The following GUCY2F variants were observed in gnomAD, a reference collection of about 807,000 sequenced individuals.
The protein encoded by GUCY2F is retinal guanylyl cyclase 2.
A neutral mutation model predicts 73.1 loss-of-function variants in GUCY2F; 61 were observed. That is an observed-to-expected ratio of 0.83 (90% CI 0.68 to 1.03). The LOEUF is 1.03. Among genes scored for constraint, GUCY2F ranks in the 50% least tolerant of loss-of-function variants. The pLI is 0.00. For missense variants in GUCY2F, 912 were observed against 854.3 expected, an observed-to-expected ratio of 1.07 and a Z score of -0.84; for synonymous variants, 331 against 307.8, an observed-to-expected ratio of 1.08 and a Z score of -0.79.
chrX:109,382,960 T>C (rs1320209059), intron 16 of GUCY2F, among the ~76,000 whole-genome samples: 1 of 111,860 alleles, frequency 8.9e-6, no homozygotes, highest in African/African-American at 3.3e-5. Flanking sequence ...CCCTATGAAG[T>C]GAGACCTTGT....
At chrX:109,393,594 C>T (rs1335711824) in intron 12 of GUCY2F, among the ~76,000 whole-genome samples, 2 of 111,578 alleles carry the variant, frequency 1.8e-5, no homozygotes, top group African/African-American at 6.5e-5. Flanking sequence ...TATTTCTTAC[C>T]GTGGAGTCCA....
At chrX:109,429,136 G>T (rs967749464) in intron 8 of GUCY2F, among the ~76,000 whole-genome samples, 1 of 112,162 alleles carries the variant, frequency 8.9e-6, no homozygotes, top group Non-Finnish European at 1.9e-5. Context: ...AATTGGCTGG[G>T]CGCGGTGGCT....
At chrX:109,466,159 G>T (rs1932465012) in intron 2 of GUCY2F, among the ~76,000 whole-genome samples, 1 of 111,472 alleles carries the variant, frequency 9.0e-6, no homozygotes, top group Non-Finnish European at 1.9e-5. Flanking sequence ...AGGTGCTTCA[G>T]ACTTCAGACT....
At chrX:109,446,064 T>A (rs60500576) in intron 6 of GUCY2F, among the ~76,000 whole-genome samples, 1 of 111,184 alleles carries the variant, frequency 9.0e-6, no homozygotes, top group Non-Finnish European at 1.9e-5. Context: ...ATCCAACTTA[T>A]AAGGGATGTG....
chrX:109,472,461 C>A (rs997001869), intron 2 of GUCY2F, among the ~76,000 whole-genome samples: 3 of 111,777 alleles, frequency 2.7e-5, no homozygotes, highest in Non-Finnish European at 5.6e-5. Context: ...GCTCTGCCTT[C>A]CTCAGACCTT....
chrX:109,393,550 G>C (rs1930625421), intron 12 of GUCY2F, among the ~76,000 whole-genome samples: 1 of 111,184 alleles, frequency 9.0e-6, no homozygotes, highest in African/African-American at 3.3e-5. Flanking sequence ...ACCTCTTACA[G>C]AGGGCTCAAG....
intron 8 of GUCY2F, among the ~76,000 whole-genome samples, chrX:109,429,426 A>G (rs748544573): frequency 1.8e-5 from 2 of 110,284 alleles, no homozygotes; most frequent in African/African-American, 6.6e-5. Context: ...AAAAAAAAAA[A>G]AAAGAAAAGA....
At position 109,385,535 on chromosome X, in the gene GUCY2F, G is replaced by A. The variant is rs1342930722; in HGVS notation, c.2957-253C>T. On this transcript the variant is annotated intron_variant, in intron 15 of 19. Coordinates refer to ENST00000218006, the MANE Select transcript of GUCY2F (RefSeq NM_001522.3). ...TCCACGTAACAGTTACACCTGAGAT[G>A]CTTATATTTGTCAACAGGGACAAAC... 5.4e-5 allele frequency among the ~76,000 whole-genome samples: 6 copies of A among 111,847 alleles called. No individual in the cohort carries two copies. In the East Asian group the frequency reaches 1.4e-3, roughly 26 times the overall value.
chrX:109,430,319 A>G lies in GUCY2F; in HGVS notation c.1779T>C (p.Asp593=), dbSNP rs781235330. ...DLKSIKSRAS[D]VFEMMKDLRH... ...AGATTTCTCATACCATTTCGAACACATCACTTGCTCTTGATTTGATGGACT... is the reference window on the plus strand; with the variant it reads ...AGATTTCTCATACCATTTCGAACACGTCACTTGCTCTTGATTTGATGGACT... Residue 593 remains aspartate (D), a synonymous_variant, in exon 8 of 20, where the codon GAT becomes GAC. Coordinates refer to ENST00000218006, the MANE Select transcript of GUCY2F (RefSeq NM_001522.3). 2 of 1,062,871 alleles carry G rather than the reference A, an allele frequency of 1.9e-6. No individual in the cohort carries two copies. Among genetic ancestry groups the G allele is most frequent in the Non-Finnish European group, 1.3e-6 (1 of 760,074 alleles). 87.6% of individuals were successfully genotyped at this position (1,062,871 alleles called of 1,213,427 possible). A position where few individuals can be genotyped will look rare whatever the true frequency, so the allele number is the denominator to read the frequency against.
chrX:109,418,020 C>T (rs1346250679), intron 8 of GUCY2F, among the ~76,000 whole-genome samples: 1 of 111,301 alleles, frequency 9.0e-6, no homozygotes, highest in Non-Finnish European at 1.9e-5. Context: ...TTCTTACCAT[C>T]TCTGTGTTCA....
At chrX:109,380,607 G>T (rs976592277) in intron 17 of GUCY2F, among the ~76,000 whole-genome samples, 1 of 111,502 alleles carries the variant, frequency 9.0e-6, no homozygotes, top group Non-Finnish European at 1.9e-5. Flanking sequence ...TGGCATCAGA[G>T]AAAGGCTCTT....
At chrX:109,425,623 G>A (rs1931468021) in intron 8 of GUCY2F, among the ~76,000 whole-genome samples, 1 of 106,484 alleles carries the variant, frequency 9.4e-6, no homozygotes, top group Admixed American at 1.0e-4. Flanking sequence ...GCATAAGAAT[G>A]ATACAAAGGA....
chrX:109,445,837 C>T (rs1361771633), intron 6 of GUCY2F, among the ~76,000 whole-genome samples: 2 of 111,621 alleles, frequency 1.8e-5, no homozygotes, highest in African/African-American at 3.3e-5. Context: ...TCAAATTGTG[C>T]CTGTTTGCAG....
Position 109,452,063 on chromosome X carries a change from TA to T in GUCY2F, c.1431del (p.Ile478Ter). On this transcript the variant is annotated frameshift_variant, in exon 5 of 20. Transcript: ENST00000218006. LOFTEE classifies it high-confidence loss of function. ...AATCCATTAATAGACAGCAGGGCTA[TA>T]AGCAAAGTAAGGCAGACCATCATGG... ...AFAMMVCLTL[L>X]IALLSINGFA... The T allele has an allele frequency of 8.9e-7, 1 of 1,128,735 alleles. No individual in the cohort carries two copies. The highest frequency in any genetic ancestry group is 1.2e-6 in the Non-Finnish European group (1 of 820,092). 93.0% of individuals were successfully genotyped at this position (1,128,735 alleles called of 1,213,427 possible).
chrX:109,420,257 GA>G lies in GUCY2F; in HGVS notation c.1791+10049del, dbSNP rs1464983786. Among the ~76,000 whole-genome samples the G allele has an allele frequency of 3.0e-5, 3 of 100,637 alleles. No individual in the cohort carries two copies. In the East Asian group the frequency reaches 9.1e-4, roughly 31 times the overall value. 87.4% of individuals were successfully genotyped at this position (100,637 alleles called of 115,157 possible). A position where few individuals can be genotyped will look rare whatever the true frequency, so the allele number is the denominator to read the frequency against. On this transcript the variant is annotated intron_variant, in intron 8 of 19. Coordinates refer to ENST00000218006, the MANE Select transcript of GUCY2F (RefSeq NM_001522.3). ...AAGAAGAAGAAGAAAAAGAAAGAGAGAGGGGGAGGGATGGAGGGAGGGGGAA... is the reference window on the plus strand; with the variant it reads ...AAGAAGAAGAAGAAAAAGAAAGAGAGGGGGGAGGGATGGAGGGAGGGGGAA...
At chrX:109,466,050 C>T (rs1932463325) in intron 2 of GUCY2F, among the ~76,000 whole-genome samples, 1 of 111,675 alleles carries the variant, frequency 9.0e-6, no homozygotes, top group African/African-American at 3.3e-5. Context: ...TTGTTCTCAT[C>T]CTTACCAAGG....
chrX:109,381,902 T>C (rs920957135), intron 17 of GUCY2F, among the ~76,000 whole-genome samples: 7 of 112,051 alleles, frequency 6.2e-5, no homozygotes, highest in African/African-American at 2.3e-4. Context: ...GCAGAAAAAA[T>C]CTCAATACTC....
rs1932767268 is a variant in GUCY2F at position 109,481,850 on chromosome X, G to A, written c.-86+16C>T. The A allele has an allele frequency of 1.8e-5, 2 of 110,543 alleles. No individual in the cohort carries two copies. Among genetic ancestry groups the A allele is most frequent in the South Asian group, 7.8e-4 (2 of 2,562 alleles). 9.1% of individuals were successfully genotyped at this position (110,543 alleles called of 1,213,427 possible). A position where few individuals can be genotyped will look rare whatever the true frequency, so the allele number is the denominator to read the frequency against. On this transcript the variant is annotated intron_variant, in intron 1 of 19. Transcript: ENST00000218006. ...ATTACAATCTTTCTTATAAACAAGA[G>A]CTGTCAACTACTCACCAAGTAATTC...
intron 7 of GUCY2F, among the ~76,000 whole-genome samples, chrX:109,437,656 A>G (rs1266606155): frequency 1.8e-5 from 2 of 112,942 alleles, no homozygotes; most frequent in Non-Finnish European, 3.7e-5. Context: ...GCCCCACCTC[A>G]TGCCAACTGA....
Sources: allele counts gnomAD v4.1 joint callset (sites outside exome capture counted in the v4.1 genomes callset), GRCh38; gene constraint gnomAD v4.1.1; transcripts MANE v1.5; gene names NCBI Gene and HGNC (gene_info 2026-07-23, HGNC 2026-07-21).